The following KLHL4 variants were observed in gnomAD, a reference collection of about 807,000 sequenced individuals.
KLHL4 encodes kelch like family member 4, also known as kelch-like protein 4.
In KLHL4, 17 loss-of-function variants were observed where a neutral mutation model predicts 45.8. The ratio of observed to expected loss-of-function variants is 0.37; its 90% CI spans 0.25 to 0.56. The LOEUF is 0.56. Ranked by LOEUF, KLHL4 falls within the 20% of genes least tolerant of loss-of-function variation. The probability of loss-of-function intolerance (pLI) is 0.79; values close to 1 mark genes in which losing one functional copy is unlikely to be tolerated. For synonymous variants in KLHL4, 224 were observed against 189.9 expected (o/e 1.18, Z -1.47); for missense variants, 544 against 544.9 (o/e 1.00, Z 0.02).
chrX:87,586,865 T>C (rs1349857094), intron 1 of KLHL4, among the ~76,000 whole-genome samples: 14 of 109,930 alleles, frequency 1.3e-4, no homozygotes, highest in Non-Finnish European at 2.5e-4. Flanking sequence ...TTAAACAAAA[T>C]TGACAAACTT....
At chrX:87,566,359 G>A (rs1353311287) in intron 1 of KLHL4, among the ~76,000 whole-genome samples, 1 of 110,966 alleles carries the variant, frequency 9.0e-6, no homozygotes, top group Non-Finnish European at 1.9e-5. Context: ...AAAAACAAAT[G>A]GAGTTATGTC....
Position 87,668,037 on chromosome X carries a change from T to G in KLHL4, c.*1503T>G, listed in dbSNP as rs1022970903. ...CTTAAACACAAAAATAAAATTCCAC[T>G]CCTTTATTTCTTCTTACACCTGCCA... On this transcript the variant is annotated 3_prime_UTR_variant, in exon 11 of 11. Coordinates refer to ENST00000373119, the MANE Select transcript of KLHL4 (RefSeq NM_019117.5). The G allele has an allele frequency of 6.9e-6, 5 of 723,660 alleles. No individual in the cohort carries two copies. The highest frequency in any genetic ancestry group is 6.5e-6 in the Non-Finnish European group (4 of 612,531). 59.6% of individuals were successfully genotyped at this position (723,660 alleles called of 1,213,427 possible). A position where few individuals can be genotyped will look rare whatever the true frequency, so the allele number is the denominator to read the frequency against.
intron 1 of KLHL4, among the ~76,000 whole-genome samples, chrX:87,593,626 A>G (rs997261137): frequency 9.0e-6 from 1 of 110,605 alleles, no homozygotes. Flanking sequence ...TTTGTTCATG[A>G]GTTTCTTTAG....
chrX:87,603,440 T>C (rs1231262172), intron 1 of KLHL4, among the ~76,000 whole-genome samples: 1 of 111,490 alleles, frequency 9.0e-6, no homozygotes, highest in Non-Finnish European at 1.9e-5. Context: ...CTGTCGTTAG[T>C]ATTTTTAGTG....
At chrX:87,630,858 T>G (rs1923073288) in intron 6 of KLHL4, among the ~76,000 whole-genome samples, 1 of 111,975 alleles carries the variant, frequency 8.9e-6, no homozygotes, top group Admixed American at 9.5e-5. Flanking sequence ...GGGTAACACC[T>G]GAGGTTCGTT....
intron 9 of KLHL4, among the ~76,000 whole-genome samples, chrX:87,659,700 G>C (rs1924122569): frequency 9.0e-6 from 1 of 111,210 alleles, no homozygotes; most frequent in Non-Finnish European, 1.9e-5. Flanking sequence ...AGATTATCTG[G>C]AGACTTAATT....
At chrX:87,523,648 A>T (rs1931047197) in intron 1 of KLHL4, among the ~76,000 whole-genome samples, 3 of 111,873 alleles carry the variant, frequency 2.7e-5, no homozygotes, top group Non-Finnish European at 5.6e-5. Context: ...ATGAGTCCAT[A>T]CTGATATAAA....
chrX:87,535,637 T>G (rs181005576), intron 1 of KLHL4, among the ~76,000 whole-genome samples: 3 of 110,871 alleles, frequency 2.7e-5, no homozygotes, highest in African/African-American at 6.5e-5. Flanking sequence ...GGGTCTCTGG[T>G]TGGGGATTCA....
At chrX:87,639,145 A>G (rs1274840178) in intron 9 of KLHL4, among the ~76,000 whole-genome samples, 1 of 111,498 alleles carries the variant, frequency 9.0e-6, no homozygotes, top group Non-Finnish European at 1.9e-5. Context: ...ACAGGAAAAT[A>G]TCACAATCCT....
intron 1 of KLHL4, among the ~76,000 whole-genome samples, chrX:87,581,205 G>A (rs910156328): frequency 1.8e-5 from 2 of 112,074 alleles, no homozygotes; most frequent in African/African-American, 3.2e-5. Context: ...AGGCTGAGAC[G>A]GAGTGCTAAT....
intron 9 of KLHL4, among the ~76,000 whole-genome samples, chrX:87,641,726 CTTTGGTT>C (rs1923467015): frequency 9.0e-6 from 1 of 111,015 alleles, no homozygotes; most frequent in Admixed American, 9.5e-5. Flanking sequence ...GAGATCAGCT[CTTTGGTT>C]TGCACGGGAG....
At chrX:87,649,918 G>A (rs1453189493) in intron 9 of KLHL4, among the ~76,000 whole-genome samples, 1 of 111,153 alleles carries the variant, frequency 9.0e-6, no homozygotes, top group Non-Finnish European at 1.9e-5. Context: ...AGTGTAGCTA[G>A]TATACTAAAC....
intron 5 of KLHL4, among the ~76,000 whole-genome samples, chrX:87,622,812 A>G (rs1922797612): frequency 9.0e-6 from 1 of 111,272 alleles, no homozygotes; most frequent in African/African-American, 3.3e-5. Flanking sequence ...ACTGAATAAT[A>G]TCTTTTAATA....
intron 5 of KLHL4, among the ~76,000 whole-genome samples, chrX:87,625,059 C>T (rs1020563524): frequency 2.7e-5 from 3 of 112,714 alleles, no homozygotes; most frequent in Admixed American, 9.4e-5. Context: ...CTTGTGCAGA[C>T]AGAGCCATTC....
intron 1 of KLHL4, among the ~76,000 whole-genome samples, chrX:87,585,622 C>T (rs2147797289): frequency 9.1e-6 from 1 of 110,479 alleles, no homozygotes; most frequent in Admixed American, 9.6e-5. Context: ...ACAATGGATA[C>T]ACAAAAAATA....
At chrX:87,624,355 A>G (rs1301602227) in intron 5 of KLHL4, among the ~76,000 whole-genome samples, 1 of 112,185 alleles carries the variant, frequency 8.9e-6, no homozygotes, top group African/African-American at 3.2e-5. Flanking sequence ...TATCTTAGAA[A>G]TGAAATATAT....
At chrX:87,661,489 G>T (rs1924186975) in intron 9 of KLHL4, among the ~76,000 whole-genome samples, 2 of 110,553 alleles carry the variant, frequency 1.8e-5, no homozygotes, top group Non-Finnish European at 3.8e-5. Flanking sequence ...AATAAATTGG[G>T]CTGCATATTC....
chrX:87,618,593 T>A (rs1922643902), intron 4 of KLHL4, among the ~76,000 whole-genome samples: 1 of 111,555 alleles, frequency 9.0e-6, no homozygotes, highest in Non-Finnish European at 1.9e-5. Context: ...CTCCGCCTCC[T>A]GGGTTTAAGT....
chrX:87,646,917 T>A (rs1282702600), intron 9 of KLHL4, among the ~76,000 whole-genome samples: 2 of 111,273 alleles, frequency 1.8e-5, no homozygotes, highest in African/African-American at 3.3e-5. Flanking sequence ...ACTAAAAAGC[T>A]TCTGCACAGC....
Sources: allele counts gnomAD v4.1 joint callset (sites outside exome capture counted in the v4.1 genomes callset), GRCh38; gene constraint gnomAD v4.1.1; transcripts MANE v1.5; gene names NCBI Gene and HGNC (gene_info 2026-07-23, HGNC 2026-07-21).